The following SORCS1 variants were observed in gnomAD, a reference collection of about 807,000 sequenced individuals.
The protein encoded by SORCS1 is sortilin related VPS10 domain containing receptor 1, also known as VPS10 domain-containing receptor SorCS1.
A neutral mutation model predicts 146.1 loss-of-function variants in SORCS1; 60 were observed. The observed-to-expected ratio is 0.41, with a 90% CI of 0.33 to 0.51. The LOEUF (loss-of-function observed/expected upper bound fraction) is 0.51. Among genes scored for constraint, SORCS1 ranks in the 20% least tolerant of loss-of-function variants. SORCS1 has a pLI of 0.21. For missense variants in SORCS1, 1,352 were observed against 1,487.6 expected, an observed-to-expected ratio of 0.91 and a Z score of 1.50; for synonymous variants, 637 against 584.0, an observed-to-expected ratio of 1.09 and a Z score of -1.31.
intron 2 of SORCS1, among the ~76,000 whole-genome samples, chr10:106,834,234 A>G (rs931509828): frequency 2.6e-5 from 4 of 152,320 alleles, no homozygotes; most frequent in Non-Finnish European, 4.4e-5. Context: ...TTTGCCCAAC[A>G]AAGAGGTTAG....
At chr10:106,855,821 A>G (rs958100207) in intron 2 of SORCS1, among the ~76,000 whole-genome samples, 116 of 152,282 alleles carry the variant, frequency 7.6e-4, no homozygotes, top group African/African-American at 2.7e-3. Flanking sequence ...TTGATCATAC[A>G]TTTATAAAAA....
At chr10:106,629,475 C>T (rs1274104412) in intron 18 of SORCS1, 87 bp from the exon 19 acceptor site, 44 of 1,418,422 alleles carry the variant, frequency 3.1e-5, no homozygotes, top group Non-Finnish European at 4.0e-5. Context: ...TGTCCTAGTC[C>T]CTGGCTCAGG....
intron 2 of SORCS1, among the ~76,000 whole-genome samples, chr10:106,928,345 G>A (rs1183005670): frequency 6.6e-6 from 1 of 152,216 alleles, no homozygotes; most frequent in Admixed American, 6.5e-5. Flanking sequence ...CCGCTGGCCC[G>A]GGTGCTAAGC....
chr10:106,615,297 G>A (rs751906605), intron 21 of SORCS1, among the ~76,000 whole-genome samples: 9 of 152,120 alleles, frequency 5.9e-5, no homozygotes, highest in South Asian at 2.1e-4. Flanking sequence ...CAGTCTCTGC[G>A]GGAGAGTAGG....
At chr10:107,158,794 C>T (rs1969492388) in intron 1 of SORCS1, among the ~76,000 whole-genome samples, 1 of 152,152 alleles carries the variant, frequency 6.6e-6, no homozygotes, top group Non-Finnish European at 1.5e-5. Flanking sequence ...AATTTTGGCA[C>T]ATAGCAATTA....
intron 4 of SORCS1, among the ~76,000 whole-genome samples, chr10:106,765,048 A>G (rs543108644): frequency 4.4e-4 from 65 of 148,440 alleles, no homozygotes; most frequent in African/African-American, 1.6e-3. Flanking sequence ...AAAAAAAGCC[A>G]TTCTTGGGTT....
At chr10:106,952,052 G>A (rs1048604816) in intron 2 of SORCS1, among the ~76,000 whole-genome samples, 6 of 152,122 alleles carry the variant, frequency 3.9e-5, no homozygotes, top group South Asian at 2.1e-4. Context: ...ACAATGAGAT[G>A]CCAGGCCTCT....
chr10:107,010,834 C>T (rs140995013), intron 1 of SORCS1, among the ~76,000 whole-genome samples: 6 of 152,280 alleles, frequency 3.9e-5, no homozygotes, highest in African/African-American at 9.6e-5. Flanking sequence ...GCTTCTTTTC[C>T]GCTATAGTGA....
intron 1 of SORCS1, among the ~76,000 whole-genome samples, chr10:106,968,787 A>T (rs1308829477): frequency 6.6e-6 from 1 of 152,214 alleles, no homozygotes; most frequent in East Asian, 1.9e-4. Flanking sequence ...TTTACCATAA[A>T]GTACAACTAA....
chr10:107,120,002 A>C (rs912427887), intron 1 of SORCS1, among the ~76,000 whole-genome samples: 1 of 151,910 alleles, frequency 6.6e-6, no homozygotes, highest in East Asian at 1.9e-4. Flanking sequence ...GCTAATTCCT[A>C]TATGTTTTAA....
chr10:106,699,085 C>A, intron 9 of SORCS1, 129 bp downstream of exon 9: 1 of 736,540 alleles, frequency 1.4e-6, no homozygotes, highest in Non-Finnish European at 2.0e-6. Flanking sequence ...CAAATCTTTC[C>A]ATCTCCCAAG....
chr10:106,647,028 T>C (rs1163950563), intron 18 of SORCS1, among the ~76,000 whole-genome samples: 1 of 143,656 alleles, frequency 7.0e-6, no homozygotes, highest in Non-Finnish European at 1.5e-5. Flanking sequence ...TATATATATA[T>C]ATATATATAT....
intron 2 of SORCS1, among the ~76,000 whole-genome samples, chr10:106,859,423 C>G (rs959253491): frequency 1.3e-5 from 2 of 152,108 alleles, no homozygotes; most frequent in African/African-American, 2.4e-5. Context: ...GAGACTGGGT[C>G]TCACTTTGTC....
chr10:107,152,553 T>TC (rs1394794333), intron 1 of SORCS1, among the ~76,000 whole-genome samples: 1 of 152,140 alleles, frequency 6.6e-6, no homozygotes, highest in African/African-American at 2.4e-5. Flanking sequence ...AGTGGCTACC[T>TC]CCATGCTGTT....
At chr10:107,138,123 C>T (rs1160500143) in intron 1 of SORCS1, among the ~76,000 whole-genome samples, 3 of 152,086 alleles carry the variant, frequency 2.0e-5, no homozygotes, top group Non-Finnish European at 4.4e-5. Flanking sequence ...TGGTGACTAG[C>T]ACATAATAGG....
chr10:106,768,415 G>A lies in SORCS1; in HGVS notation c.886-6754C>T, dbSNP rs116153997. ...ATCAGTTTCCTAAGTGTTTGTGCTTGTGCAGAAATCATTTGAATATCCCCA... is the reference window on the plus strand; with the variant it reads ...ATCAGTTTCCTAAGTGTTTGTGCTTATGCAGAAATCATTTGAATATCCCCA... On this transcript the variant is annotated intron_variant, in intron 4 of 25. Coordinates refer to ENST00000263054, the MANE Select transcript of SORCS1 (RefSeq NM_052918.5). Among the ~76,000 whole-genome samples the A allele has an allele frequency of 7.7e-3, 1,177 of 152,322 alleles. 21 individuals are homozygous for A. Among genetic ancestry groups the A allele is most frequent in the African/African-American group, 0.027 (1,117 of 41,574 alleles).
intron 24 of SORCS1, among the ~76,000 whole-genome samples, chr10:106,593,671 CCTA>C (rs1845744502): frequency 6.6e-6 from 1 of 152,108 alleles, no homozygotes; most frequent in South Asian, 2.1e-4. Context: ...GCCGAAAGAC[CCTA>C]CTATCAAAAC....
intron 1 of SORCS1, among the ~76,000 whole-genome samples, chr10:107,139,459 T>C (rs894649326): frequency 5.3e-5 from 8 of 152,196 alleles, no homozygotes; most frequent in African/African-American, 1.7e-4. Context: ...TGCAATCAAT[T>C]GGTGACTGCA....
chr10:107,027,676 A>G (rs1958469537), intron 1 of SORCS1, among the ~76,000 whole-genome samples: 1 of 152,214 alleles, frequency 6.6e-6, no homozygotes, highest in African/African-American at 2.4e-5. Context: ...CAGCAGGATC[A>G]GCAAGGGCAC....
Sources: gnomAD v4.1 joint callset for allele counts (sites outside exome capture counted in the v4.1 genomes callset) on GRCh38, gnomAD v4.1.1 for gene constraint, MANE v1.5 for transcripts, NCBI Gene and HGNC (gene_info 2026-07-23, HGNC 2026-07-21) for gene names.